The following COPS7B variants were observed in gnomAD, a reference collection of about 807,000 sequenced individuals.
COPS7B encodes COP9 signalosome subunit 7B.
In COPS7B, 9 loss-of-function variants were observed where a neutral mutation model predicts 33.4. That is an observed-to-expected ratio of 0.27 (90% CI 0.16 to 0.47). The LOEUF is 0.47. Ranked by LOEUF, COPS7B falls within the 20% of genes least tolerant of loss-of-function variation. The pLI, the probability that COPS7B is intolerant of heterozygous loss-of-function variation, is 0.99. For missense variants in COPS7B, 242 were observed against 318.2 expected (o/e 0.76, Z 1.82); for synonymous variants, 119 against 126.3 (o/e 0.94, Z 0.39).
At chr2:231,800,533 T>C (rs2049713961) in intron 6 of COPS7B, among the ~76,000 whole-genome samples, 1 of 152,250 alleles carries the variant, frequency 6.6e-6, no homozygotes, top group Non-Finnish European at 1.5e-5. Flanking sequence ...TTTAGAATTT[T>C]GAACTGTTCA....
intron 1 of COPS7B, among the ~76,000 whole-genome samples, chr2:231,787,202 G>C (rs1292868918): frequency 1.3e-5 from 2 of 151,888 alleles, no homozygotes; most frequent in African/African-American, 4.8e-5. Context: ...TTGTTCCCCA[G>C]CACTTCATTG....
At chr2:231,781,803 C>T, upstream of COPS7B, 1 of 1,549,110 alleles carries the variant, frequency 6.5e-7, no homozygotes, top group South Asian at 1.2e-5. Flanking sequence ...ACGGGAAGAC[C>T]CTTCTCACCC....
chr2:231,787,892 C>G (rs78623425), intron 1 of COPS7B, among the ~76,000 whole-genome samples: 119 of 152,280 alleles, frequency 7.8e-4, no homozygotes, highest in Non-Finnish European at 1.3e-3. Context: ...TCCTCCATTT[C>G]TTAACCAGAA....
At position 231,805,376 on chromosome 2, in the gene COPS7B, C is replaced by G. The variant is rs2049860602; in HGVS notation, c.637-2111C>G. Among the ~76,000 whole-genome samples the G allele has an allele frequency of 2.0e-5, 3 of 150,302 alleles. 1 individual carries two copies. The highest frequency in any genetic ancestry group is 4.2e-4 in the South Asian group (2 of 4,788). Reference sequence around the variant, plus strand: ...TTGTGTTTTGTTGTCTGGCAGGACACTGGATAAACCCAGAGTTGAATTCCC... The same window carrying G: ...TTGTGTTTTGTTGTCTGGCAGGACAGTGGATAAACCCAGAGTTGAATTCCC... On this transcript the variant is annotated intron_variant, in intron 6 of 6. Transcript: ENST00000350033.
chr2:231,796,370 G>A, intron 5 of COPS7B, 62 bp downstream of exon 5: 1 of 1,503,080 alleles, frequency 6.7e-7, no homozygotes, highest in Non-Finnish European at 9.2e-7. Flanking sequence ...TTGCAAAAAT[G>A]TGATTCCCTG....
Position 231,801,332 on chromosome 2 carries a change from C to G in COPS7B, c.636+2368C>G, listed in dbSNP as rs987518570. 3 of 1,482,212 alleles carry G rather than the reference C, an allele frequency of 2.0e-6. No homozygotes were observed. In the African/African-American group the frequency reaches 4.2e-5, roughly 21 times the overall value. The allele number at this position is 1,482,212 out of a possible 1,614,324, so 91.8% of individuals were successfully genotyped here. A position where few individuals can be genotyped will look rare whatever the true frequency, so the allele number is the denominator to read the frequency against. ...CATATTAGTTCCTAGTTCCAGCATA[C>G]CTGGGGGACCATTATGAGCTGTTTC... On this transcript the variant is annotated intron_variant, in intron 6 of 6. Coordinates refer to ENST00000350033, the MANE Select transcript of COPS7B (RefSeq NM_022730.4).
At chr2:231,793,036 A>G (rs6721685) in intron 3 of COPS7B, among the ~76,000 whole-genome samples, 27,632 of 152,118 alleles carry the variant, frequency 0.18, 2,846 homozygotes, top group Non-Finnish European at 0.23. Context: ...GCAGCATTGC[A>G]CAGACTCTGT....
rs536288743 is a variant in COPS7B, at chr2:231,799,934, G to A, written c.636+970G>A. 3.2e-4 allele frequency among the ~76,000 whole-genome samples: 49 copies of A among 152,260 alleles called. No individual in the cohort carries two copies. The South Asian group carries it at 6.4e-3, about 20-fold the overall frequency. On this transcript the variant is annotated intron_variant, in intron 6 of 6. Transcript: ENST00000350033. ...CCTGTGTCCTATTTGTAAGACGAGC[G>A]TCTTGTCTCATGCCTAACCCATAGT...
intron 6 of COPS7B, among the ~76,000 whole-genome samples, chr2:231,805,433 T>TA (rs1559377865): frequency 7.2e-4 from 82 of 113,242 alleles, no homozygotes; most frequent in African/African-American, 1.9e-3. Flanking sequence ...ATATATATAT[T>TA]TTTTTTTAAA....
intron 2 of COPS7B, chr2:231,790,476 C>T (rs928277346): frequency 6.6e-6 from 1 of 152,206 alleles, no homozygotes; most frequent in Non-Finnish European, 1.5e-5. Context: ...TATTATGGTG[C>T]TGGAGTTCTC....
intron 3 of COPS7B, among the ~76,000 whole-genome samples, chr2:231,792,636 TACAA>T (rs1251623196): frequency 1.3e-5 from 2 of 152,240 alleles, no homozygotes; most frequent in African/African-American, 4.8e-5. Context: ...TCTTCCCACT[TACAA>T]ACATTTATCC....
At chr2:231,806,334 G>T (rs1386787259) in intron 6 of COPS7B, among the ~76,000 whole-genome samples, 1 of 152,082 alleles carries the variant, frequency 6.6e-6, no homozygotes, top group Non-Finnish European at 1.5e-5. Flanking sequence ...AGGGTCAGTT[G>T]ACCCTGGGAG....
At chr2:231,802,001 C>T (rs1028593689) in intron 6 of COPS7B, among the ~76,000 whole-genome samples, 19 of 152,220 alleles carry the variant, frequency 1.2e-4, no homozygotes, top group East Asian at 9.7e-4. Flanking sequence ...TCTCCACCTC[C>T]GGACCTCAAG....
At chr2:231,784,636 A>AT (rs1358298593), upstream of COPS7B, among the ~76,000 whole-genome samples, 1 of 152,124 alleles carries the variant, frequency 6.6e-6, no homozygotes, top group Admixed American at 6.5e-5. Context: ...CTCCTCTTCC[A>AT]TAGCCCTGTT....
At chr2:231,791,603 G>T (rs985688528) in intron 2 of COPS7B, 130 bp from the exon 3 acceptor site, 6 of 696,772 alleles carry the variant, frequency 8.6e-6, no homozygotes, top group Non-Finnish European at 1.5e-5. Context: ...GACCCCAGGG[G>T]CCAAGTAATC....
chr2:231,807,563 G>T lies in COPS7B; in HGVS notation c.713G>T (p.Arg238Leu). 3 of 1,611,618 alleles carry T rather than the reference G, an allele frequency of 1.9e-6. No homozygotes were observed. Among genetic ancestry groups the T allele is most frequent in the Non-Finnish European group, 2.5e-6 (3 of 1,179,052 alleles). ...AQEMEQQLAE[R>L]ECPPHAEQRQ... ...GAGATGGAGCAGCAGCTGGCTGAAC[G>T]GGAGTGTCCCCCTCACGCTGAGCAG... The change falls in exon 7 of 7, where the codon CGG becomes CTG. Residue 238 changes from arginine (R) to leucine (L), a missense_variant. Arg to Leu is a moderately radical substitution (Grantham distance 102). Coordinates refer to ENST00000350033, the MANE Select transcript of COPS7B (RefSeq NM_022730.4).
At chr2:231,798,803 C>A in intron 5 of COPS7B, 56 bp from the exon 6 acceptor site, 1 of 1,435,210 alleles carries the variant, frequency 7.0e-7, no homozygotes, top group Non-Finnish European at 9.8e-7. Flanking sequence ...ATTTCTGAGC[C>A]TGGAAGAGAC....
rs1328255777 is a variant in COPS7B at position 231,797,114 on chromosome 2, A to G, written c.530+806A>G. ...GAGGAGAGTGTGTTCCCAGGCAGGC[A>G]CGTGGCATGTTGGAAGCCATGAAGC... On this transcript the variant is annotated intron_variant, in intron 5 of 6. Coordinates refer to ENST00000350033, the MANE Select transcript of COPS7B (RefSeq NM_022730.4). Among the ~76,000 whole-genome samples the G allele has an allele frequency of 2.0e-5, 3 of 152,216 alleles. No individual in the cohort carries two copies. In the East Asian group the frequency reaches 5.8e-4, roughly 29 times the overall value.
chr2:231,796,213 G>A lies in COPS7B; in HGVS notation c.435G>A (p.Leu145=), dbSNP rs771204114. ...AVYTDIIQGK[L]DQRNQLLEVD... ...ACACTGACATCATCCAGGGCAAGCT[G>A]GACCAGCGAAACCAGCTGCTGGAAG... Residue 145 remains leucine, a synonymous_variant, in exon 5 of 7, where the codon CTG becomes CTA. Coordinates refer to ENST00000350033, the MANE Select transcript of COPS7B (RefSeq NM_022730.4). 1.9e-6 allele frequency: 3 copies of A among 1,614,054 alleles called. No homozygotes were observed. Among genetic ancestry groups the A allele is most frequent in the Admixed American group, 3.3e-5 (2 of 59,998 alleles).
Sources: allele counts gnomAD v4.1 joint callset (sites outside exome capture counted in the v4.1 genomes callset), GRCh38; gene constraint gnomAD v4.1.1; transcripts MANE v1.5; gene names NCBI Gene and HGNC (gene_info 2026-07-23, HGNC 2026-07-21).